FCSK: variants seen among roughly 807,000 people sequenced by gnomAD.
The protein encoded by FCSK is L-fucose kinase.
Under a neutral mutation model 122.5 loss-of-function variants are expected in FCSK, and 123 were observed. The observed-to-expected ratio is 1.00, with a 90% CI of 0.87 to 1.17. FCSK has a LOEUF of 1.17. Ranked by LOEUF, FCSK falls within the 50% of genes most tolerant of loss-of-function variation. FCSK has a pLI of 0.00. For synonymous variants in FCSK, 620 were observed against 625.5 expected (o/e 0.99, Z 0.13); for missense variants, 1,366 against 1,450.4 (o/e 0.94, Z 0.95).
Position 70,470,987 on chromosome 16 carries a change from C to G in FCSK, c.1085C>G (p.Ala362Gly). The change falls in exon 12 of 24, where the codon GCG becomes GGG. Residue 362 changes from alanine to glycine, a missense_variant. Coordinates refer to ENST00000288078, the MANE Select transcript of FCSK (RefSeq NM_145059.3). The stretch of plus-strand genomic sequence containing the variant: ...GCTGCACAGGAGCAGCAGCTTCTGG[C>G]GGCCGGGAGCTCTGTGGTCAGCTGC... ...HSQVEEQQLL[A>G]AGSSVVSCLL... 1 of 1,592,110 alleles carries G rather than the reference C, an allele frequency of 6.3e-7. No individual in the cohort carries two copies. The highest frequency in any genetic ancestry group is 1.7e-5 in the Admixed American group (1 of 57,404).
intron 3 of FCSK, 81 bp from the exon 4 acceptor site, chr16:70,465,045 G>A (rs1567697467): frequency 5.1e-6 from 8 of 1,583,620 alleles, no homozygotes; most frequent in Non-Finnish European, 6.9e-6. Flanking sequence ...TTGTGTTGGA[G>A]TCTCTCTCTG....
At position 70,474,987 on chromosome 16, in the gene FCSK, G is replaced by C; in HGVS notation, c.2353G>C (p.Asp785His). ...GTGCCGGTGCCTGGCTGACCTGCGG[G>C]ACTACTGCCAGCCTCATGCCCCAGG... ...IVCRCLADLR[D>H]YCQPHAPGAL... Residue 785 changes from aspartate (D) to histidine (H), a missense_variant, in exon 18 of 24, where the codon GAC becomes CAC. By Grantham distance (81) the Asp-to-His change is moderately conservative. Coordinates refer to ENST00000288078, the MANE Select transcript of FCSK (RefSeq NM_145059.3). The C allele has an allele frequency of 6.2e-7, 1 of 1,607,028 alleles. No homozygotes were observed. Among genetic ancestry groups the C allele is most frequent in the Non-Finnish European group, 8.5e-7 (1 of 1,177,730 alleles).
chr16:70,473,211 T>G lies in FCSK; in HGVS notation c.1635T>G (p.Ser545=). 1 of 1,536,764 alleles carries G rather than the reference T, an allele frequency of 6.5e-7. No homozygotes were observed. The highest frequency in any genetic ancestry group is 1.2e-5 in the South Asian group (1 of 83,958). Residue 545 remains serine (S), a synonymous_variant, in exon 15 of 24, where the codon TCT becomes TCG. Transcript: ENST00000288078. This position sits in a 1 kb window ranked among gnomAD's most constrained non-coding sequence, Gnocchi z 4.9. ...PCLDRAATLA[S]RRDLFFRQAL... is the part of the protein sequence containing the mutation. Reference sequence around the variant, plus strand: ...TGGATCGGGCTGCCACGCTGGCCTCTCGCCGGGACCTGTTCTTCCGCCAGG... The same window carrying G: ...TGGATCGGGCTGCCACGCTGGCCTCGCGCCGGGACCTGTTCTTCCGCCAGG...
intron 2 of FCSK, 140 bp from the exon 3 acceptor site, chr16:70,463,483 T>C: frequency 8.9e-7 from 1 of 1,121,288 alleles, no homozygotes; most frequent in Non-Finnish European, 1.3e-6. Flanking sequence ...TCTCACTAAG[T>C]TGGGTGAAGA....
At chr16:70,475,959 C>T (rs1305970476) in intron 20 of FCSK, 192 bp downstream of exon 20, 10 of 541,812 alleles carry the variant, frequency 1.8e-5, no homozygotes, top group Admixed American at 1.5e-4. Flanking sequence ...TACCTCCCAA[C>T]GAGCCGTTTC....
chr16:70,476,753 C>T (rs1216745201), intron 20 of FCSK, among the ~76,000 whole-genome samples: 1 of 152,198 alleles, frequency 6.6e-6, no homozygotes, highest in Non-Finnish European at 1.5e-5. Context: ...GACTCATATC[C>T]CATAATCGGT....
In FCSK at chr16:70,467,655, C is replaced by T. The variant is rs1299555614; in HGVS notation, c.582+184C>T. ...CTCTCGCCAAAAATACATTTCACAC[C>T]GACCGCCTGTCCAGTCTCTGTGCCC... On this transcript the variant is annotated intron_variant, in intron 7 of 23. Coordinates refer to ENST00000288078, the MANE Select transcript of FCSK (RefSeq NM_145059.3). 8 of 634,756 alleles carry T rather than the reference C, an allele frequency of 1.3e-5. 1 individual carries two copies. Among genetic ancestry groups the T allele is most frequent in the East Asian group, 2.7e-5 (1 of 36,516 alleles). 39.3% of individuals were successfully genotyped at this position (634,756 alleles called of 1,614,324 possible).
chr16:70,475,015 A>G lies in FCSK; in HGVS notation c.2377+4A>G. The G allele has an allele frequency of 1.3e-6, 2 of 1,589,130 alleles. No homozygotes were observed. Among genetic ancestry groups the G allele is most frequent in the African/African-American group, 1.3e-5 (1 of 74,544 alleles). ...TACTGCCAGCCTCATGCCCCAGGTC[A>G]GGCACCCTGGGACCTCTGCAGGTGG... is the stretch of plus-strand genomic sequence containing the variant. On this transcript the variant is annotated splice_donor_region_variant and intron_variant, in intron 18 of 23. Coordinates refer to ENST00000288078, the MANE Select transcript of FCSK (RefSeq NM_145059.3).
rs777644401 is a variant in FCSK, at chr16:70,468,918, CT to C, written c.734del (p.Leu245ArgfsTer7). On this transcript the variant is annotated frameshift_variant, in exon 9 of 24. Transcript: ENST00000288078. LOFTEE classifies it high-confidence loss of function. Reference sequence around the variant, plus strand: ...CCTAGCCACCCACGTGAGCCCGCCCCTGGATGCCTGCACCTACCTAGGCTTG... The same window carrying C: ...CCTAGCCACCCACGTGAGCCCGCCCCGGATGCCTGCACCTACCTAGGCTTG... ...RLLATHVSPP[L>X]DACTYLGLDS... 6 of 1,614,030 alleles carry C rather than the reference CT, an allele frequency of 3.7e-6. No individual in the cohort carries two copies. Among genetic ancestry groups the C allele is most frequent in the East Asian group, 4.5e-5 (2 of 44,870 alleles).
Position 70,466,267 on chromosome 16 carries a change from G to T in FCSK, c.411+10G>T. 6.2e-7 allele frequency: 1 copy of T among 1,613,764 alleles called. No individual in the cohort carries two copies. Among genetic ancestry groups the T allele is most frequent in the Non-Finnish European group, 8.5e-7 (1 of 1,179,754 alleles). On this transcript the variant is annotated intron_variant, in intron 5 of 23. Coordinates refer to ENST00000288078, the MANE Select transcript of FCSK (RefSeq NM_145059.3). ...CATCATGACCTATCGGGTGAGGCTG[G>T]GTGGTGGCCCGTGGTGCCTCGTCCC...
chr16:70,472,971 T>C lies in FCSK; in HGVS notation c.1407-12T>C, dbSNP rs1335684232. ...GCTTCCCTCCTGGGAATGTGCCTTC[T>C]CCCCACATCAGAGCCTGGGACCTGT... On this transcript the variant is annotated splice_polypyrimidine_tract_variant and intron_variant, in intron 14 of 23. Coordinates refer to ENST00000288078, the MANE Select transcript of FCSK (RefSeq NM_145059.3). 3.8e-6 allele frequency: 6 copies of C among 1,594,574 alleles called. No individual in the cohort carries two copies. The African/African-American group carries it at 8.1e-5, about 22-fold the overall frequency.
intron 18 of FCSK, 133 bp from the exon 19 acceptor site, chr16:70,475,217 A>G (rs1042592564): frequency 4.5e-5 from 50 of 1,110,126 alleles, no homozygotes; most frequent in Middle Eastern, 5.1e-4. Flanking sequence ...TGGCTTGGGG[A>G]TGGGGCCAGT....
intron 1 of FCSK, among the ~76,000 whole-genome samples, chr16:70,460,104 CTTTTT>C (rs564125150): frequency 8.7e-5 from 11 of 126,478 alleles, no homozygotes; most frequent in African/African-American, 3.5e-4. Context: ...CGTCTAGCCT[CTTTTT>C]TTTTTTTTTT....
chr16:70,478,481 A>C lies in FCSK; in HGVS notation c.2829+22A>C, dbSNP rs758209554. The C allele has an allele frequency of 2.5e-6, 4 of 1,613,580 alleles. No individual in the cohort carries two copies. The South Asian group carries it at 4.4e-5, about 18-fold the overall frequency. On this transcript the variant is annotated intron_variant, in intron 21 of 23. Transcript: ENST00000288078. ...GCAGGTGAGCTCTGGCCCCAGCATG[A>C]GGGAGGCAGGCAGGGGGCCTGCCAG...
Position 70,473,252 on chromosome 16 carries a change from G to A in FCSK, c.1676G>A (p.Arg559Gln), listed in dbSNP as rs1008064326. The change falls in exon 15 of 24, where the codon CGG becomes CAG. Residue 559 changes from arginine (R) to glutamine (Q), a missense_variant. Transcript: ENST00000288078. The surrounding 1 kb of genome is among the most constrained non-coding windows in gnomAD (Gnocchi z 4.9). ...TTCCGCCAGGCCCTGCATAAGGCGC[G>A]GCACGTGCTGGAGGCCCGGCAGGAC... ...LFFRQALHKA[R>Q]HVLEARQDLS... 2.6e-6 allele frequency: 4 copies of A among 1,532,778 alleles called. No individual in the cohort carries two copies. The highest frequency in any genetic ancestry group is 1.4e-5 in the African/African-American group (1 of 72,858). The allele number at this position is 1,532,778 out of a possible 1,614,324, so 94.9% of individuals were successfully genotyped here.
At chr16:70,471,418 C>A in intron 13 of FCSK, 66 bp downstream of exon 13, 1 of 1,455,414 alleles carries the variant, frequency 6.9e-7, no homozygotes. Flanking sequence ...GGAGTCCTGG[C>A]CCCCACCCCA....
rs2048659321 is a variant in FCSK at position 70,472,548 on chromosome 16, G to A, written c.1349G>A (p.Gly450Glu). 3 of 1,612,426 alleles carry A rather than the reference G, an allele frequency of 1.9e-6. No individual in the cohort carries two copies. The African/African-American group carries it at 4.0e-5, about 22-fold the overall frequency. Residue 450 changes from glycine to glutamate, a missense_variant, in exon 14 of 24, where the codon GGG (glycine) becomes GAG (glutamate). Gly to Glu is a moderately conservative substitution (Grantham distance 98). Coordinates refer to ENST00000288078, the MANE Select transcript of FCSK (RefSeq NM_145059.3). ...VGRLDSWERQ[G>E]AGTYLNVPWS... ...CTTCTTCCTCTCCCCCAGAGACAGG[G>A]GGCAGGCACATATCTCAACGTGCCC...
chr16:70,464,655 A>G (rs1369720273), intron 3 of FCSK, among the ~76,000 whole-genome samples: 2 of 149,124 alleles, frequency 1.3e-5, no homozygotes, highest in Non-Finnish European at 3.0e-5. Context: ...AGCTGAGATC[A>G]TGCCATTGCA....
At chr16:70,477,177 T>G (rs767842474) in intron 20 of FCSK, among the ~76,000 whole-genome samples, 7 of 152,206 alleles carry the variant, frequency 4.6e-5, no homozygotes, top group African/African-American at 9.6e-5. Flanking sequence ...CAAGTTTTGT[T>G]ATTTTTAATT....
Sources: allele counts gnomAD v4.1 joint callset (sites outside exome capture counted in the v4.1 genomes callset), GRCh38; gene constraint gnomAD v4.1.1; non-coding constraint Gnocchi (gnomAD v3.1); transcripts MANE v1.5; gene names NCBI Gene and HGNC (gene_info 2026-07-23, HGNC 2026-07-21).